Variants in ADARB2 observed in about 807,000 individuals in gnomAD.
ADARB2 encodes inactive double-stranded RNA-specific editase B2.
A neutral mutation model predicts 62.2 loss-of-function variants in ADARB2; 25 were observed. The ratio of observed to expected loss-of-function variants is 0.40; its 90% CI spans 0.29 to 0.56. The LOEUF is 0.56. Ranked by LOEUF, ADARB2 falls within the 20% of genes least tolerant of loss-of-function variation. The pLI, the probability that ADARB2 is intolerant of heterozygous loss-of-function variation, is 0.43. For missense variants in ADARB2, 1,071 were observed against 1,077.4 expected (o/e 0.99, Z 0.08); for synonymous variants, 572 against 500.8 (o/e 1.14, Z -1.90).
chr10:1,358,338 C>G (rs1384825097), intron 3 of ADARB2, among the ~76,000 whole-genome samples: 1 of 152,184 alleles, frequency 6.6e-6, no homozygotes, highest in African/African-American at 2.4e-5. Flanking sequence ...GTGCCCTCAG[C>G]CCTTGAGGAT....
At chr10:1,610,679 G>A (rs1833557755) in intron 1 of ADARB2, among the ~76,000 whole-genome samples, 2 of 152,170 alleles carry the variant, frequency 1.3e-5, no homozygotes, top group East Asian at 1.9e-4. Flanking sequence ...TTTGTGTCCC[G>A]GCATTTCACA....
At chr10:1,641,721 A>G (rs1402448143) in intron 1 of ADARB2, among the ~76,000 whole-genome samples, 2 of 152,212 alleles carry the variant, frequency 1.3e-5, no homozygotes, top group Non-Finnish European at 2.9e-5. Context: ...TTTTTAAAAA[A>G]TGTGTTCCTG....
chr10:1,194,817 G>A (rs188663743), intron 8 of ADARB2, among the ~76,000 whole-genome samples: 60 of 152,186 alleles, frequency 3.9e-4, no homozygotes, highest in Admixed American at 1.3e-4. Flanking sequence ...CCTATTGAGC[G>A]TGGTCATATT....
chr10:1,387,042 GA>G (rs1378659386), intron 1 of ADARB2, among the ~76,000 whole-genome samples: 1 of 151,786 alleles, frequency 6.6e-6, no homozygotes, highest in Admixed American at 6.6e-5. Flanking sequence ...GAAATCACAG[GA>G]AAATTAAAGC....
At chr10:1,712,653 GAA>G (rs1181552212) in intron 1 of ADARB2, among the ~76,000 whole-genome samples, 1 of 228 alleles carries the variant, frequency 4.4e-3, no homozygotes, top group African/African-American at 0.017. Flanking sequence ...GTCCCCCAGG[GAA>G]GGAGGGCACT....
At chr10:1,710,256 C>A (rs1390544726) in intron 1 of ADARB2, among the ~76,000 whole-genome samples, 1 of 152,188 alleles carries the variant, frequency 6.6e-6, no homozygotes, top group Middle Eastern at 3.2e-3. Context: ...TGGTTTCCCC[C>A]TCATCATCTC....
chr10:1,612,002 A>G (rs2132021418), intron 1 of ADARB2, among the ~76,000 whole-genome samples: 1 of 152,172 alleles, frequency 6.6e-6, no homozygotes. Flanking sequence ...CAGAATCACA[A>G]GGAATTAGGC....
chr10:1,328,523 G>A (rs930898498), intron 3 of ADARB2, among the ~76,000 whole-genome samples: 9 of 152,060 alleles, frequency 5.9e-5, no homozygotes, highest in African/African-American at 2.2e-4. Flanking sequence ...TTCTTGAACA[G>A]TGCAAACATT....
intron 1 of ADARB2, among the ~76,000 whole-genome samples, chr10:1,481,499 G>A (rs761946219): frequency 2.0e-5 from 3 of 152,092 alleles, no homozygotes; most frequent in Non-Finnish European, 4.4e-5. Flanking sequence ...CACCATCAAG[G>A]GAGTGAAATA....
chr10:1,257,689 C>G (rs551168576), intron 4 of ADARB2, among the ~76,000 whole-genome samples: 2 of 152,136 alleles, frequency 1.3e-5, no homozygotes, highest in East Asian at 3.9e-4. Flanking sequence ...TTGGTTATAA[C>G]AGCATAGGGC....
chr10:1,726,971 G>C (rs760211310), intron 1 of ADARB2, among the ~76,000 whole-genome samples: 24 of 152,164 alleles, frequency 1.6e-4, no homozygotes, highest in Non-Finnish European at 2.9e-4. Context: ...GGCGTTTTTA[G>C]AACATGTTCT....
chr10:1,484,338 C>T (rs1166406904), intron 1 of ADARB2, among the ~76,000 whole-genome samples: 1 of 152,214 alleles, frequency 6.6e-6, no homozygotes, highest in African/African-American at 2.4e-5. Flanking sequence ...TCACGTTAAA[C>T]ACTCGCGTGT....
At chr10:1,546,319 C>T (rs1832519022) in intron 1 of ADARB2, among the ~76,000 whole-genome samples, 1 of 152,220 alleles carries the variant, frequency 6.6e-6, no homozygotes, top group Non-Finnish European at 1.5e-5. Flanking sequence ...GGATGTAGGT[C>T]AAAACCCTGG....
chr10:1,675,105 G>T (rs1401538225), intron 1 of ADARB2: 2 of 984,628 alleles, frequency 2.0e-6, no homozygotes, highest in Non-Finnish European at 2.4e-6. Flanking sequence ...TGTTCTGGAG[G>T]TTTGGGTTGC....
chr10:1,456,015 G>A (rs55740840), intron 1 of ADARB2, among the ~76,000 whole-genome samples: 14,769 of 152,180 alleles, frequency 0.097, 761 homozygotes, highest in South Asian at 0.23. Context: ...ACTTATAATA[G>A]CACATTCAGA....
chr10:1,405,137 TGCCCAG>T (rs1832696864), intron 1 of ADARB2, among the ~76,000 whole-genome samples: 1 of 152,194 alleles, frequency 6.6e-6, no homozygotes, highest in African/African-American at 2.4e-5. Context: ...GAGGTAACGC[TGCCCAG>T]GCCCCATTAT....
chr10:1,277,920 TTC>T (rs375077475), intron 3 of ADARB2, among the ~76,000 whole-genome samples: 1 of 151,238 alleles, frequency 6.6e-6, no homozygotes, highest in African/African-American at 2.5e-5. Flanking sequence ...TCAAGTGGGC[TTC>T]TTTCTTTCTG....
chr10:1,262,723 C>A (rs530680778), intron 4 of ADARB2, among the ~76,000 whole-genome samples: 1 of 152,072 alleles, frequency 6.6e-6, no homozygotes, highest in Non-Finnish European at 1.5e-5. Flanking sequence ...GTCAGTGTGG[C>A]GATTCCTCAG....
rs1589188541 is a variant in ADARB2, at chr10:1,310,527, G to T, written c.1078-39458C>A. On this transcript the variant is annotated intron_variant, in intron 3 of 9. Coordinates refer to ENST00000381312, the MANE Select transcript of ADARB2 (RefSeq NM_018702.4). Reference sequence around the variant, plus strand: ...AGCCCTGGAGGCCCCAGAAGTGAAAGTCCTCAAACACAAATTATTTTACTA... The same window carrying T: ...AGCCCTGGAGGCCCCAGAAGTGAAATTCCTCAAACACAAATTATTTTACTA... Among the ~76,000 whole-genome samples, 3 of 152,354 alleles carry T rather than the reference G, an allele frequency of 2.0e-5. No individual in the cohort carries two copies. In the East Asian group the frequency reaches 5.8e-4, roughly 29 times the overall value.
Sources: gnomAD v4.1 joint callset for allele counts (sites outside exome capture counted in the v4.1 genomes callset) on GRCh38, gnomAD v4.1.1 for gene constraint, MANE v1.5 for transcripts, NCBI Gene and HGNC (gene_info 2026-07-23, HGNC 2026-07-21) for gene names.